Variants in TBC1D5 observed in about 807,000 individuals in gnomAD.
The protein encoded by TBC1D5 is TBC1 domain family member 5.
Under a neutral mutation model 100.3 loss-of-function variants are expected in TBC1D5, and 75 were observed. The ratio of observed to expected loss-of-function variants is 0.75; its 90% CI spans 0.62 to 0.91. TBC1D5 has a LOEUF of 0.91. Ranked by LOEUF, TBC1D5 falls within the 40% of genes least tolerant of loss-of-function variation. The probability of loss-of-function intolerance (pLI) is 0.00; values close to 1 mark genes in which losing one functional copy is unlikely to be tolerated. For synonymous variants in TBC1D5, 323 were observed against 325.6 expected (o/e 0.99, Z 0.09); for missense variants, 910 against 942.4 (o/e 0.97, Z 0.45).
At chr3:17,693,592 G>T (rs1379947049) in intron 1 of TBC1D5, among the ~76,000 whole-genome samples, 2 of 152,198 alleles carry the variant, frequency 1.3e-5, no homozygotes, top group Non-Finnish European at 2.9e-5. Context: ...GCTCGAACTG[G>T]GCGGAGCCCA....
chr3:17,671,236 G>A (rs1319662255), intron 1 of TBC1D5, among the ~76,000 whole-genome samples: 1 of 152,200 alleles, frequency 6.6e-6, no homozygotes, highest in Non-Finnish European at 1.5e-5. Context: ...TACAGATGCA[G>A]AAGGACTCAA....
chr3:17,655,908 T>G (rs971789399), intron 1 of TBC1D5, among the ~76,000 whole-genome samples: 11 of 152,232 alleles, frequency 7.2e-5, no homozygotes, highest in Non-Finnish European at 1.6e-4. Flanking sequence ...CCAACCCTGC[T>G]GACACTTTGA....
chr3:17,558,098 C>T (rs1222788861), intron 2 of TBC1D5, among the ~76,000 whole-genome samples: 4 of 152,174 alleles, frequency 2.6e-5, no homozygotes, highest in Non-Finnish European at 5.9e-5. Context: ...TACTATAATT[C>T]TATTTTATAG....
intron 18 of TBC1D5, among the ~76,000 whole-genome samples, chr3:17,210,464 A>C (rs2072838508): frequency 6.6e-6 from 1 of 152,242 alleles, no homozygotes; most frequent in Non-Finnish European, 1.5e-5. Flanking sequence ...CTGGAATTAC[A>C]GGCATGAGTC....
intron 16 of TBC1D5, among the ~76,000 whole-genome samples, chr3:17,250,882 T>C (rs1055756014): frequency 6.6e-6 from 1 of 152,264 alleles, no homozygotes; most frequent in East Asian, 1.9e-4. Context: ...TCAATGTTTG[T>C]CTTGTTGGCA....
chr3:17,485,469 T>C (rs1205780252), intron 3 of TBC1D5, among the ~76,000 whole-genome samples: 1 of 150,010 alleles, frequency 6.7e-6, no homozygotes, highest in African/African-American at 2.5e-5. Context: ...TATCTCCTAA[T>C]GCTATCCCTC....
At chr3:17,377,194 G>A (rs946777705) in intron 9 of TBC1D5, among the ~76,000 whole-genome samples, 5 of 151,982 alleles carry the variant, frequency 3.3e-5, no homozygotes, top group Middle Eastern at 3.4e-3. Context: ...GAAAACTACC[G>A]TAATTTTTTC....
intron 21 of TBC1D5, among the ~76,000 whole-genome samples, chr3:17,165,794 G>A (rs893470468): frequency 4.6e-5 from 7 of 152,306 alleles, no homozygotes; most frequent in Non-Finnish European, 8.8e-5. Flanking sequence ...AAATACAGGT[G>A]GGAAATGAAC....
chr3:17,373,289 A>T (rs1024509431), intron 12 of TBC1D5, among the ~76,000 whole-genome samples: 2 of 152,148 alleles, frequency 1.3e-5, no homozygotes, highest in Non-Finnish European at 2.9e-5. Flanking sequence ...AGATGGAATG[A>T]AGTGACTGAG....
intron 13 of TBC1D5, among the ~76,000 whole-genome samples, chr3:17,368,543 T>TA (rs1465390731): frequency 4.6e-5 from 7 of 152,246 alleles, no homozygotes; most frequent in Admixed American, 4.6e-4. Flanking sequence ...TTAATCTTGC[T>TA]AACACTTTTC....
rs944711762 is a variant in TBC1D5, at chr3:17,504,739, T to C, written c.97+3735A>G. ...GCTAGTTAGCCCAGAGTAGGGTTTATAGTACTTCAGACACCATTTTTATAC... is the reference window on the plus strand; with the variant it reads ...GCTAGTTAGCCCAGAGTAGGGTTTACAGTACTTCAGACACCATTTTTATAC... On this transcript the variant is annotated intron_variant, in intron 3 of 21. Coordinates refer to ENST00000253692, the Ensembl canonical transcript of TBC1D5. 2.6e-5 allele frequency among the ~76,000 whole-genome samples: 4 copies of C among 152,216 alleles called. No individual in the cohort carries two copies. In the South Asian group the frequency reaches 8.3e-4, roughly 31 times the overall value.
intron 18 of TBC1D5, among the ~76,000 whole-genome samples, chr3:17,185,923 A>T (rs1020548532): frequency 6.6e-6 from 1 of 151,746 alleles, no homozygotes; most frequent in South Asian, 2.1e-4. Flanking sequence ...TTATCTAAAA[A>T]CAATCGAACT....
intron 3 of TBC1D5, 121 bp from the exon 4 acceptor site, chr3:17,428,640 C>A: frequency 3.1e-6 from 1 of 323,462 alleles, no homozygotes; most frequent in Non-Finnish European, 5.6e-6. Context: ...CCCCCTTCCC[C>A]AAATTATCTT....
At chr3:17,564,116 T>C (rs1016353342) in intron 2 of TBC1D5, among the ~76,000 whole-genome samples, 3 of 152,210 alleles carry the variant, frequency 2.0e-5, no homozygotes, top group Non-Finnish European at 2.9e-5. Context: ...CATTTCTGTA[T>C]TGTTTGACTA....
chr3:17,478,114 A>G (rs2095460019), intron 3 of TBC1D5, among the ~76,000 whole-genome samples: 1 of 152,144 alleles, frequency 6.6e-6, no homozygotes, highest in African/African-American at 2.4e-5. Context: ...AATTTAGGAA[A>G]ACGTTTGTTT....
At chr3:17,439,287 C>A (rs1449722843) in intron 3 of TBC1D5, among the ~76,000 whole-genome samples, 1 of 152,074 alleles carries the variant, frequency 6.6e-6, no homozygotes, top group East Asian at 1.9e-4. Context: ...GGACTCTATG[C>A]AGGATATAAA....
chr3:17,384,069 T>G, intron 8 of TBC1D5, 54 bp from the exon 9 acceptor site: 1 of 1,447,236 alleles, frequency 6.9e-7, no homozygotes, highest in Non-Finnish European at 9.5e-7. Context: ...CAAGAATCAC[T>G]CTCAAATTCT....
chr3:17,547,216 T>C (rs931939791), intron 2 of TBC1D5: 13 of 152,228 alleles, frequency 8.5e-5, no homozygotes, highest in African/African-American at 3.1e-4. Flanking sequence ...AAGTGAAATA[T>C]GCAGGACAAC....
chr3:17,576,247 G>C (rs2096656330), intron 2 of TBC1D5, among the ~76,000 whole-genome samples: 1 of 152,000 alleles, frequency 6.6e-6, no homozygotes, highest in Non-Finnish European at 1.5e-5. Context: ...AAAATGATGG[G>C]GGTTGAGAGG....
Sources: allele counts gnomAD v4.1 joint callset (sites outside exome capture counted in the v4.1 genomes callset), GRCh38; gene constraint gnomAD v4.1.1; transcripts MANE v1.5; gene names NCBI Gene and HGNC (gene_info 2026-07-23, HGNC 2026-07-21).